The following HMOX1 variants were observed in gnomAD, a reference collection of about 807,000 sequenced individuals.
HMOX1 encodes heme oxygenase 1.
HMOX1 carries 22 observed loss-of-function variants against 27.8 expected under a neutral mutation model. The ratio of observed to expected loss-of-function variants is 0.79; its 90% confidence interval spans 0.57 to 1.13. HMOX1 has a LOEUF of 1.13. HMOX1 is among the 50% of genes most tolerant of loss of function. The pLI is 0.00. For missense variants in HMOX1, 379 were observed against 377.7 expected, an observed-to-expected ratio of 1.00 and a Z score of -0.03; for synonymous variants, 153 against 151.6, an observed-to-expected ratio of 1.01 and a Z score of -0.07.
rs367987395 is a variant in HMOX1, at chr22:35,393,610, C to T, written c.*12C>T. The T allele has an allele frequency of 2.9e-5, 46 of 1,613,878 alleles. No homozygotes were observed. Among genetic ancestry groups the T allele is most frequent in the Non-Finnish European group, 3.3e-5 (39 of 1,179,882 alleles). On this transcript the variant is annotated 3_prime_UTR_variant, in exon 5 of 5. Coordinates refer to ENST00000216117, the MANE Select transcript of HMOX1 (RefSeq NM_002133.3). The stretch of plus-strand genomic sequence containing the variant: ...TTTATGCCATGTGAATGCAGGCATG[C>T]TGGCTCCCAGGGCCATGAACTTTGT...
chr22:35,387,267 AT>A (rs1931535932), intron 3 of HMOX1, 91 bp downstream of exon 3: 14 of 1,505,448 alleles, frequency 9.3e-6, no homozygotes, highest in Non-Finnish European at 1.3e-5. Context: ...GCTATAGGTC[AT>A]GGTTAACACA....
intron 4 of HMOX1, among the ~76,000 whole-genome samples, chr22:35,393,129 AG>A (rs1284410676): frequency 6.6e-6 from 1 of 152,186 alleles, no homozygotes; most frequent in Non-Finnish European, 1.5e-5. Flanking sequence ...TGAGTTTGAG[AG>A]GAAGATTTAC....
chr22:35,389,395 C>CTTCCTTTCTTCCTTTCTTTCTTTCTTT (rs1555901605), intron 3 of HMOX1, among the ~76,000 whole-genome samples: 1 of 51,786 alleles, frequency 1.9e-5, no homozygotes, highest in Admixed American at 2.0e-4. Flanking sequence ...TTCCTTCCTT[C>CTTCCTTTCTTCCTTTCTTTCTTTCTTT]CTTTCTTTCT....
intron 2 of HMOX1, among the ~76,000 whole-genome samples, chr22:35,386,154 C>T (rs1931497876): frequency 6.6e-6 from 1 of 151,408 alleles, no homozygotes; most frequent in Non-Finnish European, 1.5e-5. Flanking sequence ...GACGGGGTTT[C>T]ACCTTGTTAG....
Position 35,381,889 on chromosome 22 carries a change from G to C in HMOX1, c.23+693G>C, listed in dbSNP as rs182797299. On this transcript the variant is annotated intron_variant, in intron 1 of 4. Transcript: ENST00000216117. ...TTTGACCAGCTGTGTTGTAGAACAG[G>C]GAAGCAGGGCAGGAGAAAAGGGAAA... Among the ~76,000 whole-genome samples, 278 of 152,204 alleles carry C rather than the reference G, an allele frequency of 1.8e-3. 6 individuals are homozygous for C. Among genetic ancestry groups the C allele is most frequent in the Non-Finnish European group, 8.8e-5 (6 of 68,022 alleles).
chr22:35,385,176 C>A (rs1931473577), intron 2 of HMOX1, among the ~76,000 whole-genome samples: 1 of 152,228 alleles, frequency 6.6e-6, no homozygotes. Context: ...TGGTGGGGTT[C>A]AGAATAGGCC....
intron 1 of HMOX1, among the ~76,000 whole-genome samples, chr22:35,382,207 ACTACCTGTACCAGGATTTC>A (rs1931400716): frequency 6.6e-6 from 1 of 152,140 alleles, no homozygotes; most frequent in South Asian, 2.1e-4. Context: ...TCCACTGCGA[ACTACCTGTACCAGGATTTC>A]CCCCTTGGTT....
At chr22:35,387,719 G>C (rs5755715) in intron 3 of HMOX1, among the ~76,000 whole-genome samples, 1 of 152,250 alleles carries the variant, frequency 6.6e-6, no homozygotes, top group Non-Finnish European at 1.5e-5. Context: ...TTCTTGGGCA[G>C]AGGTGGAGGG....
At chr22:35,389,237 C>CTTTCTT (rs1305198764) in intron 3 of HMOX1, among the ~76,000 whole-genome samples, 1 of 116,176 alleles carries the variant, frequency 8.6e-6, no homozygotes. Context: ...TTCTTTCTTT[C>CTTTCTT]TTTTTCTTTC....
At chr22:35,384,661 G>A (rs1261832410) in intron 2 of HMOX1, among the ~76,000 whole-genome samples, 1 of 151,602 alleles carries the variant, frequency 6.6e-6, no homozygotes, top group African/African-American at 2.4e-5. Flanking sequence ...CATTAAGCTG[G>A]TGGACGTGGC....
At chr22:35,382,951 C>T (rs915196302) in intron 1 of HMOX1, among the ~76,000 whole-genome samples, 155 bp from the exon 2 acceptor site, 4 of 152,228 alleles carry the variant, frequency 2.6e-5, no homozygotes, top group Non-Finnish European at 4.4e-5. Flanking sequence ...AGCCACCGTG[C>T]CCAGCCACAA....
At chr22:35,381,355 C>A in intron 1 of HMOX1, 159 bp downstream of exon 1, 1 of 805,628 alleles carries the variant, frequency 1.2e-6, no homozygotes, top group Non-Finnish European at 1.9e-6. Context: ...CCTGCCTGTG[C>A]CCGTAGGGTA....
Position 35,393,496 on chromosome 22 carries a change from G to C in HMOX1, c.765G>C (p.Gly255=). The part of the protein sequence containing the change: ...QDSAPVETPR[G]KPPLNTRSQA... ...CTGCCCCCGTGGAGACTCCCAGAGG[G>C]AAGCCCCCACTCAACACCCGCTCCC... Residue 255 remains glycine, a synonymous_variant, in exon 5 of 5, where the codon GGG becomes GGC. Transcript: ENST00000216117. 2 of 1,614,192 alleles carry C rather than the reference G, an allele frequency of 1.2e-6. No individual in the cohort carries two copies. The highest frequency in any genetic ancestry group is 1.7e-6 in the Non-Finnish European group (2 of 1,180,028).
At chr22:35,383,834 A>G (rs1052679771) in intron 2 of HMOX1, among the ~76,000 whole-genome samples, 5 of 152,202 alleles carry the variant, frequency 3.3e-5, no homozygotes, top group Admixed American at 3.3e-4. Context: ...AGCACCCACT[A>G]TATGCCAGGT....
intron 2 of HMOX1, among the ~76,000 whole-genome samples, chr22:35,385,321 C>T (rs950532185): frequency 2.0e-5 from 3 of 152,146 alleles, no homozygotes; most frequent in Non-Finnish European, 4.4e-5. Context: ...TGGCAATGCC[C>T]GGTCTTCAAT....
intron 4 of HMOX1, among the ~76,000 whole-genome samples, chr22:35,392,012 G>A (rs1402933467): frequency 2.0e-5 from 3 of 151,702 alleles, no homozygotes; most frequent in Non-Finnish European, 4.4e-5. Context: ...ATCACTTGAG[G>A]TAAGGAGTTT....
intron 4 of HMOX1, among the ~76,000 whole-genome samples, chr22:35,391,671 G>C (rs1931727880): frequency 7.5e-6 from 1 of 133,452 alleles, no homozygotes; most frequent in Non-Finnish European, 1.5e-5. Context: ...ACAGCTCACT[G>C]CAGCTTCAAC....
intron 3 of HMOX1, among the ~76,000 whole-genome samples, chr22:35,389,229 C>CTTTTCTT (rs1491152661): frequency 1.9e-4 from 22 of 117,018 alleles, no homozygotes; most frequent in African/African-American, 1.0e-3. Context: ...TTCTTTCTTT[C>CTTTTCTT]TTTCTTTCTT....
intron 3 of HMOX1, among the ~76,000 whole-genome samples, chr22:35,388,801 A>G (rs1931573705): frequency 6.9e-6 from 1 of 145,682 alleles, no homozygotes; most frequent in African/African-American, 2.8e-5. Flanking sequence ...CGTATTAAAA[A>G]CAAAAAACAA....
Sources: allele counts gnomAD v4.1 joint callset (sites outside exome capture counted in the v4.1 genomes callset), GRCh38; gene constraint gnomAD v4.1.1; transcripts MANE v1.5; gene names NCBI Gene and HGNC (gene_info 2026-07-23, HGNC 2026-07-21).